The following SCN7A variants were observed in gnomAD, a reference collection of about 807,000 sequenced individuals.
The protein encoded by SCN7A is sodium voltage-gated channel alpha subunit 7.
A neutral mutation model predicts 155.2 loss-of-function variants in SCN7A; 138 were observed. The ratio of observed to expected loss-of-function variants is 0.89; its 90% confidence interval spans 0.77 to 1.02. The LOEUF (loss-of-function observed/expected upper bound fraction) is 1.02, where lower values mean the gene tolerates loss of function less well. SCN7A is among the 50% of genes least tolerant of loss of function. The pLI is 0.00. For missense variants in SCN7A, 2,058 were observed against 1,986.6 expected (o/e 1.04, Z -0.68); for synonymous variants, 693 against 649.0 (o/e 1.07, Z -1.03).
Position 166,490,582 on chromosome 2 carries a change from G to T in SCN7A, c.-128+3386C>A, listed in dbSNP as rs555538172. On this transcript the variant is annotated intron_variant, in intron 1 of 25. Transcript: ENST00000643258. The stretch of plus-strand genomic sequence containing the variant: ...GAAAATGTGGTATATATACACAATG[G>T]AACGCTATTCGGACTTTTAAAAAAG... Among the ~76,000 whole-genome samples, 10 of 152,150 alleles carry T rather than the reference G, an allele frequency of 6.6e-5. No homozygotes were observed. The South Asian group carries it at 2.1e-3, about 32-fold the overall frequency.
Position 166,441,471 on chromosome 2 carries a change from C to T in SCN7A, c.2082G>A (p.Trp694Ter). ...ATTGGCCTGCAACCTCCATACAGTC[C>T]CACAAGGTCTCTACCCACTCTCCAC... ...ILCGEWVETL[W>*]DCMEVAGQSW... Residue 694 changes from tryptophan to a stop codon, truncating the protein, a stop_gained, in exon 15 of 26, where the codon TGG becomes TGA. Coordinates refer to ENST00000643258, the MANE Select transcript of SCN7A (RefSeq NM_002976.4). LOFTEE classifies it high-confidence loss of function. 1 of 1,613,936 alleles carries T rather than the reference C, an allele frequency of 6.2e-7. No homozygotes were observed. Among genetic ancestry groups the T allele is most frequent in the South Asian group, 1.1e-5 (1 of 91,070 alleles).
chr2:166,479,085 C>A (rs1398714183), intron 2 of SCN7A, among the ~76,000 whole-genome samples: 2 of 151,918 alleles, frequency 1.3e-5, no homozygotes, highest in African/African-American at 2.4e-5. Flanking sequence ...GATATTGTGG[C>A]ATTTTGCATC....
At position 166,456,939 on chromosome 2, in the gene SCN7A, T is replaced by C. The variant is rs548778239; in HGVS notation, c.1221A>G (p.Ile407Met). ...GAAATTTTGGTTCAATCTTCTTAGA[T>C]ATTTCACCAACTCTCTGCTTTTCTT... The part of the protein sequence containing the change: ...YEEEKQRVGE[I>M]SKKIEPKFQQ... The change falls in exon 11 of 26, where the codon ATA becomes ATG. Residue 407 changes from isoleucine to methionine, a missense_variant. By Grantham distance (10) the Ile-to-Met change is conservative. Transcript: ENST00000643258. 6.3e-7 allele frequency: 1 copy of C among 1,578,884 alleles called. No homozygotes were observed. The highest frequency in any genetic ancestry group is 2.3e-5 in the East Asian group (1 of 43,602).
intron 15 of SCN7A, chr2:166,436,250 G>C: frequency 4.7e-6 from 1 of 214,754 alleles, no homozygotes; most frequent in Admixed American, 5.1e-5. Flanking sequence ...ATCGGTGGGA[G>C]GTAACTGAAT....
intron 18 of SCN7A, among the ~76,000 whole-genome samples, chr2:166,426,858 A>C (rs1300596847): frequency 6.6e-6 from 1 of 152,026 alleles, no homozygotes. Flanking sequence ...GTGGTAAATA[A>C]CACAAAATTT....
At chr2:166,443,458 GAT>G in intron 14 of SCN7A, 43 bp downstream of exon 14, 1 of 1,501,056 alleles carries the variant, frequency 6.7e-7, no homozygotes, top group Non-Finnish European at 9.0e-7. Flanking sequence ...CAGACACTGA[GAT>G]AAACTTTGAT....
At chr2:166,435,019 T>C (rs1250441420) in intron 15 of SCN7A, among the ~76,000 whole-genome samples, 2 of 152,144 alleles carry the variant, frequency 1.3e-5, no homozygotes, top group East Asian at 3.8e-4. Flanking sequence ...AAAGATTTCT[T>C]ATATCTTAGA....
rs1056649153 is a variant in SCN7A, at chr2:166,486,250, A to G, written c.-15+606T>C. ...TCATTGTTGCCAGCTTCTCCTCAGC[A>G]GTGGAACTAAGCTCATAGATCCACA... On this transcript the variant is annotated intron_variant, in intron 2 of 25. Transcript: ENST00000643258. Among the ~76,000 whole-genome samples, 10 of 152,280 alleles carry G rather than the reference A, an allele frequency of 6.6e-5. No homozygotes were observed. In the South Asian group the frequency reaches 2.1e-3, roughly 32 times the overall value.
Position 166,412,600 on chromosome 2 carries a change from A to G in SCN7A, c.3536T>C (p.Phe1179Ser). The change falls in exon 23 of 26, where the codon TTT becomes TCT. Residue 1179 changes from phenylalanine to serine, a missense_variant. Coordinates refer to ENST00000643258, the MANE Select transcript of SCN7A (RefSeq NM_002976.4). ...MYCYFINFII[F>S]GVFLPLSMLI... ...CATACTCAGAGGGAGAAATACTCCA[A>G]ATATAATAAAGTTGATAAAGTAACA... The G allele has an allele frequency of 6.6e-7, 1 of 1,523,896 alleles. No homozygotes were observed. Among genetic ancestry groups the G allele is most frequent in the Non-Finnish European group, 8.8e-7 (1 of 1,137,362 alleles). 94.4% of individuals were successfully genotyped at this position (1,523,896 alleles called of 1,614,324 possible).
At chr2:166,428,442 A>G (rs776279118) in intron 17 of SCN7A, among the ~76,000 whole-genome samples, 4 of 152,104 alleles carry the variant, frequency 2.6e-5, no homozygotes, top group Admixed American at 1.3e-4. Context: ...GGTGGCATGA[A>G]AATGGGAATT....
Position 166,405,668 on chromosome 2 carries a change from A to G in SCN7A, c.4961T>C (p.Ile1654Thr). The change falls in exon 26 of 26, where the codon ATA becomes ACA. Residue 1654 changes from isoleucine to threonine, a missense_variant. Coordinates refer to ENST00000643258, the MANE Select transcript of SCN7A (RefSeq NM_002976.4). ...AGCATGAACATCTCTGTCACCATCT[A>G]TCATATGAATATCTGATGTATTTTT... is the stretch of plus-strand genomic sequence containing the variant. ...NDKNTSDIHM[I>T]DGDRDVHATK... The G allele has an allele frequency of 1.2e-6, 2 of 1,612,944 alleles. No homozygotes were observed. Among genetic ancestry groups the G allele is most frequent in the Non-Finnish European group, 1.7e-6 (2 of 1,179,272 alleles).
At chr2:166,450,269 A>C (rs1277588914) in intron 11 of SCN7A, among the ~76,000 whole-genome samples, 1 of 152,106 alleles carries the variant, frequency 6.6e-6, no homozygotes, top group Non-Finnish European at 1.5e-5. Flanking sequence ...CTTTGTGTAC[A>C]CATGGACATT....
chr2:166,410,383 T>C (rs1347454698), intron 23 of SCN7A, 59 bp from the exon 24 acceptor site: 1 of 1,145,634 alleles, frequency 8.7e-7, no homozygotes, highest in African/African-American at 1.6e-5. Flanking sequence ...TTCCCTTATG[T>C]TAATAGGCAT....
intron 7 of SCN7A, among the ~76,000 whole-genome samples, chr2:166,466,763 T>C (rs1198433313): frequency 6.6e-6 from 1 of 152,034 alleles, no homozygotes; most frequent in African/African-American, 2.4e-5. Flanking sequence ...AAAACAATAA[T>C]GAATGAGAAT....
chr2:166,442,250 A>G (rs147313255), intron 14 of SCN7A, among the ~76,000 whole-genome samples: 118 of 152,278 alleles, frequency 7.7e-4, no homozygotes, highest in African/African-American at 2.7e-3. Context: ...CCTTCCTTTC[A>G]CTAGATTTTT....
intron 15 of SCN7A, among the ~76,000 whole-genome samples, chr2:166,439,924 C>A (rs914845381): frequency 4.6e-5 from 7 of 151,946 alleles, no homozygotes; most frequent in African/African-American, 7.3e-5. Flanking sequence ...GTCTAACCTG[C>A]GATTTTTTTT....
In SCN7A at chr2:166,460,623, T is replaced by C. The variant is rs1310707857; in HGVS notation, c.1083+1766A>G. Among the ~76,000 whole-genome samples the C allele has an allele frequency of 7.2e-5, 11 of 152,034 alleles. No individual in the cohort carries two copies. In the East Asian group the frequency reaches 1.9e-3, roughly 27 times the overall value. ...GAAAAGCTCAAGGAAGAAATCATGG[T>C]TTCACAGCATAAATTTGAAGCCTGA... is the stretch of plus-strand genomic sequence containing the variant. On this transcript the variant is annotated intron_variant, in intron 10 of 25. Transcript: ENST00000643258.
chr2:166,414,627 A>G (rs2105375026), intron 21 of SCN7A: 1 of 144,112 alleles, frequency 6.9e-6, no homozygotes, highest in East Asian at 2.0e-4. Flanking sequence ...GGGCTATAAT[A>G]TCAGTTGGCT....
intron 1 of SCN7A, among the ~76,000 whole-genome samples, chr2:166,492,724 A>C (rs1683140772): frequency 6.6e-6 from 1 of 152,242 alleles, no homozygotes; most frequent in African/African-American, 2.4e-5. Context: ...CAGACTTAGA[A>C]GGAAAATCAG....
Sources: gnomAD v4.1 joint callset for allele counts (sites outside exome capture counted in the v4.1 genomes callset) on GRCh38, gnomAD v4.1.1 for gene constraint, MANE v1.5 for transcripts, NCBI Gene and HGNC (gene_info 2026-07-23, HGNC 2026-07-21) for gene names.